ADAD1: variants seen among roughly 807,000 people sequenced by gnomAD.
ADAD1 encodes the protein adenosine deaminase domain-containing protein 1.
A neutral mutation model predicts 66.8 loss-of-function variants in ADAD1; 46 were observed. The ratio of observed to expected loss-of-function variants is 0.69; its 90% CI spans 0.54 to 0.88. The LOEUF is 0.88. ADAD1 is among the 40% of genes least tolerant of loss of function. ADAD1 has a pLI of 0.00. For missense variants in ADAD1, 617 were observed against 681.8 expected (o/e 0.91, Z 1.06); for synonymous variants, 248 against 229.4 (o/e 1.08, Z -0.73).
Position 122,412,564 on chromosome 4 carries a change from T to G in ADAD1, c.1020-16T>G, listed in dbSNP as rs781645790. The stretch of plus-strand genomic sequence containing the variant: ...CTTTGTTTTTTAAAGGAAGAAACTT[T>G]CTTTTCTTTCTCTAGACGTCTTAAT... On this transcript the variant is annotated splice_polypyrimidine_tract_variant and intron_variant, in intron 9 of 12. Coordinates refer to ENST00000296513, the MANE Select transcript of ADAD1 (RefSeq NM_139243.4). The G allele has an allele frequency of 1.2e-6, 2 of 1,603,710 alleles. No homozygotes were observed. Among genetic ancestry groups the G allele is most frequent in the Non-Finnish European group, 1.7e-6 (2 of 1,173,242 alleles).
intron 11 of ADAD1, among the ~76,000 whole-genome samples, chr4:122,418,480 A>C (rs773916422): frequency 1.1e-4 from 17 of 151,178 alleles, no homozygotes; most frequent in Non-Finnish European, 1.6e-4. Flanking sequence ...CCGCCACCAC[A>C]CCCAGCTAAT....
chr4:122,399,460 G>C (rs1340233000), intron 7 of ADAD1, among the ~76,000 whole-genome samples: 1 of 152,074 alleles, frequency 6.6e-6, no homozygotes, highest in Middle Eastern at 3.2e-3. Context: ...GTCTTACTTA[G>C]ACTATGCAGG....
At position 122,379,971 on chromosome 4, in the gene ADAD1, G is replaced by A. The variant is rs1239864689; in HGVS notation, c.-8-91G>A. 5.4e-6 allele frequency: 7 copies of A among 1,295,680 alleles called. No homozygotes were observed. In the African/African-American group the frequency reaches 9.0e-5, roughly 17 times the overall value. 80.3% of individuals were successfully genotyped at this position (1,295,680 alleles called of 1,614,324 possible). ...CTGAATATGTGCCAAGGCCATTTAT[G>A]GAAATAATGGGGGGGTGGGGTTTGG... On this transcript the variant is annotated intron_variant, in intron 2 of 12. Coordinates refer to ENST00000296513, the MANE Select transcript of ADAD1 (RefSeq NM_139243.4).
intron 5 of ADAD1, among the ~76,000 whole-genome samples, chr4:122,389,968 T>A (rs1351067787): frequency 6.6e-6 from 1 of 152,198 alleles, no homozygotes; most frequent in East Asian, 1.9e-4. Flanking sequence ...GTCTTTATAT[T>A]TTGGTGTGTT....
intron 7 of ADAD1, among the ~76,000 whole-genome samples, chr4:122,398,583 A>T (rs1795824057): frequency 6.6e-6 from 1 of 152,134 alleles, no homozygotes; most frequent in Non-Finnish European, 1.5e-5. Context: ...ACTAGTTTAC[A>T]TTCCCACCAG....
At chr4:122,422,956 TAAAAAAAA>T (rs537676034) in intron 12 of ADAD1, among the ~76,000 whole-genome samples, 5 of 97,200 alleles carry the variant, frequency 5.1e-5, no homozygotes, top group African/African-American at 1.2e-4. Context: ...TATTTCTCTT[TAAAAAAAA>T]AAAAAAAAAA....
At chr4:122,399,137 AT>A (rs969069486) in intron 7 of ADAD1, among the ~76,000 whole-genome samples, 1 of 152,016 alleles carries the variant, frequency 6.6e-6, no homozygotes, top group African/African-American at 2.4e-5. Flanking sequence ...TCTTGAGTTG[AT>A]TTTTGTATAA....
intron 5 of ADAD1, among the ~76,000 whole-genome samples, chr4:122,387,061 A>G (rs1027882289): frequency 6.6e-6 from 1 of 152,166 alleles, no homozygotes; most frequent in Middle Eastern, 3.2e-3. Context: ...AGTTTTTTCT[A>G]ATTCTGTGAA....
intron 12 of ADAD1, among the ~76,000 whole-genome samples, chr4:122,426,662 G>A (rs1797249894): frequency 2.0e-5 from 3 of 152,208 alleles, no homozygotes; most frequent in Admixed American, 2.0e-4. Flanking sequence ...TACCAGGAAT[G>A]CAAGGTTGAT....
At chr4:122,396,805 C>T (rs555181858) in intron 7 of ADAD1, among the ~76,000 whole-genome samples, 1 of 152,228 alleles carries the variant, frequency 6.6e-6, no homozygotes, top group African/African-American at 2.4e-5. Context: ...CCATTTGAGT[C>T]TTACATTCAT....
At chr4:122,409,362 G>A (rs1017664805) in intron 8 of ADAD1, among the ~76,000 whole-genome samples, 1 of 151,870 alleles carries the variant, frequency 6.6e-6, no homozygotes, top group South Asian at 2.1e-4. Flanking sequence ...ACTAAATTAG[G>A]AATTCTTTTT....
Position 122,380,328 on chromosome 4 carries a change from G to A in ADAD1, c.172+87G>A. 2.0e-6 allele frequency: 3 copies of A among 1,472,828 alleles called. No homozygotes were observed. The South Asian group carries it at 4.1e-5, about 20-fold the overall frequency. The allele number at this position is 1,472,828 out of a possible 1,614,324, so 91.2% of individuals were successfully genotyped here. A position where few individuals can be genotyped will look rare whatever the true frequency, so the allele number is the denominator to read the frequency against. On this transcript the variant is annotated intron_variant, in intron 3 of 12. Transcript: ENST00000296513. ...GTTCTGTCGAGTCTCTGGTTTAAAGGTTTCGTGGTTGTATAGACATTTACC... is the reference window on the plus strand; with the variant it reads ...GTTCTGTCGAGTCTCTGGTTTAAAGATTTCGTGGTTGTATAGACATTTACC...
At chr4:122,394,329 C>T (rs60236448) in intron 6 of ADAD1, among the ~76,000 whole-genome samples, 2,662 of 152,194 alleles carry the variant, frequency 0.017, 81 homozygotes, top group African/African-American at 0.061. Context: ...TATGAATCTC[C>T]TGAAAGCTAG....
At position 122,381,061 on chromosome 4, in the gene ADAD1, A is replaced by G. The variant is rs557423203; in HGVS notation, c.242A>G (p.Lys81Arg). The G allele has an allele frequency of 4.4e-6, 7 of 1,603,358 alleles. No individual in the cohort carries two copies. Among genetic ancestry groups the G allele is most frequent in the Non-Finnish European group, 5.9e-6 (7 of 1,177,970 alleles). Reference sequence around the variant, plus strand: ...TCAAATCCTGTCCTTCCTCCAAAAAAAATACCTAAGGAATTTATAATGAAA... The same window carrying G: ...TCAAATCCTGTCCTTCCTCCAAAAAGAATACCTAAGGAATTTATAATGAAA... ...SISNPVLPPK[K>R]IPKEFIMKYK... The change falls in exon 4 of 13, where the codon AAA becomes AGA. Residue 81 changes from lysine (K) to arginine (R), a missense_variant. Lys to Arg is a conservative substitution (Grantham distance 26, BLOSUM62 2). Transcript: ENST00000296513.
chr4:122,379,974 A>C (rs1193900901), intron 2 of ADAD1, 88 bp from the exon 3 acceptor site: 13 of 1,332,124 alleles, frequency 9.8e-6, no homozygotes, highest in Non-Finnish European at 1.2e-5. Context: ...CATTTATGGA[A>C]ATAATGGGGG....
chr4:122,411,423 A>G, intron 9 of ADAD1, 31 bp downstream of exon 9: 1 of 1,579,884 alleles, frequency 6.3e-7, no homozygotes, highest in Non-Finnish European at 8.6e-7. Context: ...TTTTAAAAGC[A>G]AGTAGGATGG....
intron 5 of ADAD1, among the ~76,000 whole-genome samples, chr4:122,392,805 AAAAAT>A (rs1795512083): frequency 1.3e-5 from 2 of 152,210 alleles, no homozygotes; most frequent in Non-Finnish European, 2.9e-5. Flanking sequence ...TATCAGATAA[AAAAAT>A]AAAAAGTCCA....
chr4:122,396,914 T>C (rs1279345647), intron 7 of ADAD1, among the ~76,000 whole-genome samples: 1 of 152,180 alleles, frequency 6.6e-6, no homozygotes, highest in African/African-American at 2.4e-5. Context: ...TAGATAAATA[T>C]ACTAGTCGAA....
At position 122,379,375 on chromosome 4, in the gene ADAD1, A is replaced by T. The variant is rs935673304; in HGVS notation, c.-79A>T. On this transcript the variant is annotated 5_prime_UTR_variant, in exon 2 of 13. Transcript: ENST00000296513. ...ATGGTCGGCGTCTCTTCCCTAGGTG[A>T]CGCAAGACGCGGAGCTCGGCTGCAC... 6.6e-6 allele frequency: 1 copy of T among 152,292 alleles called. No homozygotes were observed. The highest frequency in any genetic ancestry group is 6.5e-5 in the Admixed American group (1 of 15,286). 9.4% of individuals were successfully genotyped at this position (152,292 alleles called of 1,614,324 possible).
Sources: gnomAD v4.1 joint callset for allele counts (sites outside exome capture counted in the v4.1 genomes callset) on GRCh38, gnomAD v4.1.1 for gene constraint, MANE v1.5 for transcripts, NCBI Gene and HGNC (gene_info 2026-07-23, HGNC 2026-07-21) for gene names.